The following GABRB1 variants were observed in gnomAD, a reference collection of about 807,000 sequenced individuals.
The protein encoded by GABRB1 is gamma-aminobutyric acid type A receptor subunit beta1, also known as gamma-aminobutyric acid receptor subunit beta-1.
A neutral mutation model predicts 51.6 loss-of-function variants in GABRB1; 17 were observed. The observed-to-expected ratio is 0.33, with a 90% CI of 0.23 to 0.49. The LOEUF (loss-of-function observed/expected upper bound fraction) is 0.49, where lower values mean the gene tolerates loss of function less well. Ranked by LOEUF, GABRB1 falls within the 20% of genes least tolerant of loss-of-function variation. GABRB1 has a pLI of 0.99. For synonymous variants in GABRB1, 247 were observed against 218.9 expected (o/e 1.13, Z -1.14); for missense variants, 410 against 600.6 (o/e 0.68, Z 3.32).
intron 3 of GABRB1, among the ~76,000 whole-genome samples, chr4:47,146,240 G>A (rs180695343): frequency 2.9e-4 from 44 of 152,038 alleles, no homozygotes; most frequent in African/African-American, 8.4e-4. Flanking sequence ...AAAGACAGGG[G>A]AACATAAAGT....
At position 47,017,926 on chromosome 4, in the gene GABRB1, A is replaced by G. The variant is rs183188731; in HGVS notation, c.-19-13988A>G. ...TCAGATTTTCAGATTTGAATTATTG[A>G]CTTTTCTCTTTCAAAATAAAATCTC... On this transcript the variant is annotated intron_variant, in intron 1 of 3. Transcript: ENST00000513567. 7.9e-3 allele frequency among the ~76,000 whole-genome samples: 1,207 copies of G among 152,206 alleles called. 12 individuals are homozygous for G. Among genetic ancestry groups the G allele is most frequent in the African/African-American group, 0.026 (1,082 of 41,554 alleles).
intron 4 of GABRB1, among the ~76,000 whole-genome samples, chr4:47,202,184 T>C (rs1036386971): frequency 6.6e-6 from 1 of 152,110 alleles, no homozygotes; most frequent in East Asian, 1.9e-4. Flanking sequence ...GTTCTCATGA[T>C]AGTGAGTGAG....
At chr4:47,160,466 C>T (rs971315076) in intron 3 of GABRB1, among the ~76,000 whole-genome samples, 9 of 152,070 alleles carry the variant, frequency 5.9e-5, no homozygotes, top group Admixed American at 2.0e-4. Flanking sequence ...ATGTGTTAAA[C>T]GAGCAGTGTT....
intron 4 of GABRB1, among the ~76,000 whole-genome samples, chr4:47,194,679 T>C (rs958917116): frequency 1.3e-5 from 2 of 152,216 alleles, no homozygotes; most frequent in Non-Finnish European, 2.9e-5. Flanking sequence ...TGATGAAGTA[T>C]TTTATTGAAG....
intron 7 of GABRB1, among the ~76,000 whole-genome samples, chr4:47,405,091 T>C (rs920773373): frequency 2.0e-5 from 3 of 152,230 alleles, no homozygotes; most frequent in Non-Finnish European, 2.9e-5. Context: ...GGTGAATTTA[T>C]AAGTGACTCA....
chr4:47,089,224 T>C (rs945378609), intron 3 of GABRB1, among the ~76,000 whole-genome samples: 2 of 152,204 alleles, frequency 1.3e-5, no homozygotes, highest in Non-Finnish European at 2.9e-5. Context: ...GCTGAGGTGG[T>C]TCAGTGAACT....
At chr4:47,412,220 C>A (rs558020133) in intron 8 of GABRB1, among the ~76,000 whole-genome samples, 4 of 152,186 alleles carry the variant, frequency 2.6e-5, no homozygotes, top group African/African-American at 9.6e-5. Flanking sequence ...ACCCCAGAGC[C>A]CTTGTCTTTT....
intron 4 of GABRB1, among the ~76,000 whole-genome samples, chr4:47,272,345 G>A (rs1375000162): frequency 6.6e-6 from 1 of 152,012 alleles, no homozygotes; most frequent in African/African-American, 2.4e-5. Context: ...AAAAAATGTA[G>A]TCTAAAAATA....
chr4:47,118,847 C>T (rs1278731666), intron 3 of GABRB1, among the ~76,000 whole-genome samples: 1 of 152,100 alleles, frequency 6.6e-6, no homozygotes, highest in African/African-American at 2.4e-5. Context: ...CTAAATGAAA[C>T]ATCTGCTTCT....
chr4:47,354,449 C>T (rs1726477034), intron 5 of GABRB1, among the ~76,000 whole-genome samples: 1 of 152,162 alleles, frequency 6.6e-6, no homozygotes, highest in Admixed American at 6.5e-5. Context: ...TAAACACACA[C>T]TCTGTCAAAT....
intron 5 of GABRB1, among the ~76,000 whole-genome samples, chr4:47,333,412 G>A (rs1256104683): frequency 1.3e-5 from 2 of 151,810 alleles, no homozygotes; most frequent in East Asian, 1.9e-4. Flanking sequence ...AATAGACAAC[G>A]GTTTTTACAA....
chr4:47,010,370 C>T (rs1006151273), intron 1 of GABRB1, among the ~76,000 whole-genome samples: 1 of 152,206 alleles, frequency 6.6e-6, no homozygotes, highest in African/African-American at 2.4e-5. Flanking sequence ...AGATCTCTGC[C>T]TCATCCTTGC....
At chr4:47,110,390 ATC>A (rs1326905515) in intron 3 of GABRB1, among the ~76,000 whole-genome samples, 1 of 152,200 alleles carries the variant, frequency 6.6e-6, no homozygotes, top group Non-Finnish European at 1.5e-5. Flanking sequence ...AGTCTATGCT[ATC>A]TTTTCTTTTT....
At chr4:47,260,577 C>A (rs1722390136) in intron 4 of GABRB1, among the ~76,000 whole-genome samples, 1 of 152,122 alleles carries the variant, frequency 6.6e-6, no homozygotes, top group African/African-American at 2.4e-5. Context: ...ATTTCTCCTT[C>A]ACTTGTGAAG....
At chr4:47,386,314 A>G (rs1321748121) in intron 5 of GABRB1, among the ~76,000 whole-genome samples, 4 of 152,320 alleles carry the variant, frequency 2.6e-5, no homozygotes, top group Middle Eastern at 6.8e-3. Flanking sequence ...AATCACATAT[A>G]TATTTATTAT....
intron 5 of GABRB1, among the ~76,000 whole-genome samples, chr4:47,351,500 C>T (rs2109998956): frequency 6.6e-6 from 1 of 151,878 alleles, no homozygotes; most frequent in South Asian, 2.1e-4. Context: ...TGCTAGTGTG[C>T]TGCACCCATT....
chr4:46,994,979 T>C (rs1723940984), intron 1 of GABRB1, among the ~76,000 whole-genome samples: 1 of 152,190 alleles, frequency 6.6e-6, no homozygotes, highest in Non-Finnish European at 1.5e-5. Flanking sequence ...TCGTGGGCAG[T>C]AGCTAGAGCT....
chr4:47,148,947 T>G (rs1287519214), intron 3 of GABRB1, among the ~76,000 whole-genome samples: 1 of 152,010 alleles, frequency 6.6e-6, no homozygotes, highest in Admixed American at 6.6e-5. Flanking sequence ...AAACCTTTTG[T>G]GCTTGCGGCA....
Position 47,075,189 on chromosome 4 carries a change from A to AT in GABRB1, c.240+42716dup, listed in dbSNP as rs930532587. On this transcript the variant is annotated intron_variant, in intron 3 of 8. Coordinates refer to ENST00000295454, the MANE Select transcript of GABRB1 (RefSeq NM_000812.4). ...AGCAGCAAATCAGAAGCATTGTGTG[A>AT]TTTTTTTTTTTATTTTTGCCTGCAG... 7.2e-3 allele frequency among the ~76,000 whole-genome samples: 1,078 copies of AT among 148,988 alleles called. 11 individuals are homozygous for AT. The highest frequency in any genetic ancestry group is 0.023 in the African/African-American group (945 of 40,808).
Sources: allele counts gnomAD v4.1 joint callset (sites outside exome capture counted in the v4.1 genomes callset), GRCh38; gene constraint gnomAD v4.1.1; transcripts MANE v1.5; gene names NCBI Gene and HGNC (gene_info 2026-07-23, HGNC 2026-07-21).